RPS6KC1: variants seen among roughly 807,000 people sequenced by gnomAD.
RPS6KC1 encodes ribosomal protein S6 kinase C1.
RPS6KC1 carries 54 observed loss-of-function variants against 103.8 expected under a neutral mutation model. That is an observed-to-expected ratio of 0.52 (90% CI 0.42 to 0.65). RPS6KC1 has a LOEUF of 0.65. RPS6KC1 is among the 30% of genes least tolerant of loss of function. The probability of loss-of-function intolerance (pLI) is 0.00; values close to 1 mark genes in which losing one functional copy is unlikely to be tolerated. For synonymous variants in RPS6KC1, 439 were observed against 438.7 expected (o/e 1.00, Z -0.01); for missense variants, 1,151 against 1,253.8 (o/e 0.92, Z 1.24).
chr1:213,348,058 C>G, the RPS6KC1 span, among the ~76,000 whole-genome samples: 3 of 152,256 alleles, frequency 2.0e-5, no homozygotes, highest in African/African-American at 4.8e-5. Context: ...ATAGACCCCA[C>G]TAATGACCTC....
the RPS6KC1 span, among the ~76,000 whole-genome samples, chr1:213,593,239 GAA>G: frequency 7.4e-4 from 110 of 148,140 alleles, no homozygotes; most frequent in Non-Finnish European, 9.3e-4. Context: ...GAATTTCAAT[GAA>G]AAAAAAAAAA....
chr1:213,372,379 G>T, the RPS6KC1 span, among the ~76,000 whole-genome samples: 1 of 152,228 alleles, frequency 6.6e-6, no homozygotes. Context: ...GGTGCAGGAG[G>T]CTCCCTGAGG....
the RPS6KC1 span, among the ~76,000 whole-genome samples, chr1:213,310,651 C>T: frequency 6.6e-6 from 1 of 152,172 alleles, no homozygotes; most frequent in Non-Finnish European, 1.5e-5. Flanking sequence ...CTGCATTCGT[C>T]GTATGTAGGC....
the RPS6KC1 span, among the ~76,000 whole-genome samples, chr1:213,363,014 C>A: frequency 6.6e-6 from 1 of 152,200 alleles, no homozygotes; most frequent in African/African-American, 2.4e-5. Flanking sequence ...TTCTCTTTAT[C>A]CTGTTGGTTC....
At chr1:213,660,894 C>T in the RPS6KC1 span, among the ~76,000 whole-genome samples, 7 of 152,154 alleles carry the variant, frequency 4.6e-5, no homozygotes, top group East Asian at 1.9e-4. Flanking sequence ...TGCACAAATT[C>T]GCCAGTCGTT....
chr1:213,130,038 A>G, intron 6 of RPS6KC1, 149 bp downstream of exon 6: 1 of 704,406 alleles, frequency 1.4e-6, no homozygotes, highest in Non-Finnish European at 2.2e-6. Flanking sequence ...ATATGGATAT[A>G]TACTTTAAGT....
chr1:213,746,907 G>A, the RPS6KC1 span, among the ~76,000 whole-genome samples: 37 of 152,298 alleles, frequency 2.4e-4, no homozygotes, highest in East Asian at 5.8e-3. Context: ...TGAGTCTTAG[G>A]CATGTTAAGT....
chr1:213,497,744 T>C, the RPS6KC1 span, among the ~76,000 whole-genome samples: 3 of 152,050 alleles, frequency 2.0e-5, no homozygotes, highest in Non-Finnish European at 2.9e-5. Context: ...AATTCTGTAA[T>C]AGTAAAAAGT....
the RPS6KC1 span, among the ~76,000 whole-genome samples, chr1:213,367,243 T>C: frequency 6.6e-6 from 1 of 152,366 alleles, no homozygotes; most frequent in Non-Finnish European, 1.5e-5. Context: ...ATGTGCTCTT[T>C]GGGTGAATAC....
the RPS6KC1 span, among the ~76,000 whole-genome samples, chr1:213,664,391 T>C: frequency 6.6e-6 from 1 of 152,150 alleles, no homozygotes; most frequent in Admixed American, 6.6e-5. Flanking sequence ...CAGGCCCTTA[T>C]TTGACCACTG....
the RPS6KC1 span, among the ~76,000 whole-genome samples, chr1:213,497,960 ATAAAC>A: frequency 6.6e-6 from 1 of 152,192 alleles, no homozygotes; most frequent in Non-Finnish European, 1.5e-5. Flanking sequence ...ATATAACTAA[ATAAAC>A]TAATGACCAA....
chr1:213,780,886 G>A, the RPS6KC1 span, among the ~76,000 whole-genome samples: 1 of 152,104 alleles, frequency 6.6e-6, no homozygotes, highest in Non-Finnish European at 1.5e-5. Flanking sequence ...ATCTGGATGT[G>A]GTGGCGTGCA....
chr1:213,645,408 G>A, the RPS6KC1 span, among the ~76,000 whole-genome samples: 16 of 152,080 alleles, frequency 1.1e-4, no homozygotes, highest in Non-Finnish European at 2.1e-4. Context: ...CTGCCCCACA[G>A]GGATAACAAC....
At chr1:213,805,452 G>A in the RPS6KC1 span, among the ~76,000 whole-genome samples, 2 of 152,196 alleles carry the variant, frequency 1.3e-5, no homozygotes, top group African/African-American at 2.4e-5. Flanking sequence ...ACCAGGAGTA[G>A]ATTTCATCTC....
At chr1:213,502,551 A>G in the RPS6KC1 span, among the ~76,000 whole-genome samples, 1 of 152,156 alleles carries the variant, frequency 6.6e-6, no homozygotes. Flanking sequence ...AAAATTCAAA[A>G]TGGGAGAGTT....
At chr1:213,784,810 C>G in the RPS6KC1 span, among the ~76,000 whole-genome samples, 1 of 152,314 alleles carries the variant, frequency 6.6e-6, no homozygotes, top group South Asian at 2.1e-4. Flanking sequence ...AGCTTTTTCC[C>G]ATCTGCTTCC....
chr1:213,246,430 C>A (rs2094455547), intron 12 of RPS6KC1, among the ~76,000 whole-genome samples: 2 of 152,072 alleles, frequency 1.3e-5, no homozygotes, highest in African/African-American at 2.4e-5. Flanking sequence ...TACTTTTACA[C>A]AGGTTCTTCT....
At chr1:213,412,927 C>T in the RPS6KC1 span, among the ~76,000 whole-genome samples, 2 of 152,236 alleles carry the variant, frequency 1.3e-5, no homozygotes, top group South Asian at 2.1e-4. Flanking sequence ...TTCTTAAATT[C>T]AGCAGGCTTT....
chr1:213,602,657 G>T, the RPS6KC1 span, among the ~76,000 whole-genome samples: 1 of 152,122 alleles, frequency 6.6e-6, no homozygotes, highest in Non-Finnish European at 1.5e-5. Flanking sequence ...ATTTTCTGGG[G>T]TTTTCTATTT....
Sources: gnomAD v4.1 joint callset for allele counts (sites outside exome capture counted in the v4.1 genomes callset) on GRCh38, gnomAD v4.1.1 for gene constraint, MANE v1.5 for transcripts, NCBI Gene and HGNC (gene_info 2026-07-23, HGNC 2026-07-21) for gene names.